The following CDK5RAP2 variants were observed in gnomAD, a reference collection of about 807,000 sequenced individuals.
CDK5RAP2 encodes the protein CDK5 regulatory subunit associated protein 2, also known as CDK5 regulatory subunit-associated protein 2.
In CDK5RAP2, 147 loss-of-function variants were observed where a neutral mutation model predicts 232.9. The observed-to-expected ratio is 0.63, with a 90% CI of 0.55 to 0.72. The LOEUF (loss-of-function observed/expected upper bound fraction) is 0.72. Ranked by LOEUF, CDK5RAP2 falls within the 30% of genes least tolerant of loss-of-function variation. The pLI is 0.00. For missense variants in CDK5RAP2, 2,195 were observed against 2,231.5 expected (o/e 0.98, Z 0.33); for synonymous variants, 833 against 833.7 (o/e 1.00, Z 0.01).
intron 1 of CDK5RAP2, among the ~76,000 whole-genome samples, chr9:120,578,288 T>C (rs1050209023): frequency 2.6e-5 from 4 of 152,046 alleles, no homozygotes; most frequent in African/African-American, 9.7e-5. Context: ...AAATAAAAAA[T>C]AGTTTTCAAA....
Position 120,453,749 on chromosome 9 carries a change from C to G in CDK5RAP2, c.2500G>C (p.Val834Leu), listed in dbSNP as rs757073311. 6.2e-7 allele frequency: 1 copy of G among 1,614,222 alleles called. No homozygotes were observed. The highest frequency in any genetic ancestry group is 1.1e-5 in the South Asian group (1 of 91,086). The stretch of plus-strand genomic sequence containing the variant: ...AATGAGTTGGTTTGGACAAAATGTA[C>G]AAGTTCACCTTTTTGCTTAGGTGTC... The part of the protein sequence containing the change: ...EKTPKQKGEL[V>L]HFVQTNSFSK... The change falls in exon 21 of 38, where the codon GTA (valine) becomes CTA (leucine). Residue 834 changes from valine (V) to leucine (L), a missense_variant. Transcript: ENST00000349780.
intron 5 of CDK5RAP2, among the ~76,000 whole-genome samples, chr9:120,542,824 A>T (rs2041692737): frequency 1.3e-5 from 2 of 152,212 alleles, no homozygotes; most frequent in South Asian, 2.1e-4. Flanking sequence ...AAAAGTGTTA[A>T]ACATAGAGTA....
intron 5 of CDK5RAP2, among the ~76,000 whole-genome samples, chr9:120,542,432 GT>G (rs1296621311): frequency 1.3e-5 from 2 of 150,888 alleles, no homozygotes; most frequent in African/African-American, 2.4e-5. Context: ...TTGAACCCGG[GT>G]TGTACTGAGC....
At chr9:120,434,032 T>C (rs973679093) in intron 25 of CDK5RAP2, among the ~76,000 whole-genome samples, 1 of 152,182 alleles carries the variant, frequency 6.6e-6, no homozygotes, top group African/African-American at 2.4e-5. Flanking sequence ...ATAAAAAACA[T>C]ATAACATGCA....
rs528513812 is a variant in CDK5RAP2, at chr9:120,561,323, G to T, written c.195+6998C>A. ...TAACAGAATTTTTTTTTTAAACAGG[G>T]TCTCTCTCTGTCGCTCAGGCTAGAG... On this transcript the variant is annotated intron_variant, in intron 3 of 37. Coordinates refer to ENST00000349780, the MANE Select transcript of CDK5RAP2 (RefSeq NM_018249.6). Among the ~76,000 whole-genome samples, 15 of 152,080 alleles carry T rather than the reference G, an allele frequency of 9.9e-5. 1 individual carries two copies. The South Asian group carries it at 3.1e-3, about 32-fold the overall frequency.
intron 34 of CDK5RAP2, among the ~76,000 whole-genome samples, chr9:120,401,527 G>A (rs77329173): frequency 6.9e-6 from 1 of 145,098 alleles, no homozygotes; most frequent in Non-Finnish European, 1.5e-5. Flanking sequence ...TGGGAGGATT[G>A]CTTAAGTCCA....
intron 12 of CDK5RAP2, among the ~76,000 whole-genome samples, chr9:120,500,120 G>A (rs562226627): frequency 1.3e-5 from 2 of 152,148 alleles, no homozygotes; most frequent in Admixed American, 6.5e-5. Context: ...AAGGAAAGGC[G>A]GGACAGGTGG....
At chr9:120,431,483 A>G (rs2035284750) in intron 25 of CDK5RAP2, among the ~76,000 whole-genome samples, 1 of 152,198 alleles carries the variant, frequency 6.6e-6, no homozygotes, top group Non-Finnish European at 1.5e-5. Flanking sequence ...TCTTAGGCTG[A>G]GAACAATGCC....
intron 5 of CDK5RAP2, among the ~76,000 whole-genome samples, chr9:120,543,723 C>CGGCA (rs1002657453): frequency 1.2e-4 from 18 of 152,150 alleles, no homozygotes; most frequent in Non-Finnish European, 2.1e-4. Flanking sequence ...CTGAGCATGG[C>CGGCA]GGCACATGCC....
At chr9:120,521,670 C>CGG (rs1208386369) in intron 11 of CDK5RAP2, among the ~76,000 whole-genome samples, 10 of 126,676 alleles carry the variant, frequency 7.9e-5, no homozygotes, top group Non-Finnish European at 1.4e-4. Context: ...TTTTTTGAGA[C>CGG]AGTCTCGCTC....
At chr9:120,575,071 T>C (rs908545760) in intron 1 of CDK5RAP2, among the ~76,000 whole-genome samples, 13 of 151,986 alleles carry the variant, frequency 8.6e-5, no homozygotes, top group Non-Finnish European at 1.8e-4. Flanking sequence ...TTTTGGTTTT[T>C]TGGAGACTCT....
At chr9:120,536,333 T>A (rs1203121131) in intron 7 of CDK5RAP2, 39 bp downstream of exon 7, 2 of 1,608,362 alleles carry the variant, frequency 1.2e-6, no homozygotes, top group African/African-American at 2.7e-5. Context: ...CGCTGCCAGA[T>A]AATGTGATGT....
chr9:120,473,770 G>T (rs2037852224), intron 15 of CDK5RAP2, among the ~76,000 whole-genome samples: 1 of 152,090 alleles, frequency 6.6e-6, no homozygotes, highest in Non-Finnish European at 1.5e-5. Flanking sequence ...TAACCAGGGA[G>T]AAAAAAAGAG....
At chr9:120,567,606 T>C (rs1172911756) in intron 3 of CDK5RAP2, among the ~76,000 whole-genome samples, 1 of 152,186 alleles carries the variant, frequency 6.6e-6, no homozygotes, top group Admixed American at 6.5e-5. Flanking sequence ...AAACCCCCTC[T>C]GCTAATAAAT....
At chr9:120,463,857 T>C (rs1369490817) in intron 18 of CDK5RAP2, among the ~76,000 whole-genome samples, 5 of 152,220 alleles carry the variant, frequency 3.3e-5, no homozygotes, top group Admixed American at 6.5e-5. Flanking sequence ...AGAAACATAC[T>C]TCATGCTGCA....
intron 3 of CDK5RAP2, among the ~76,000 whole-genome samples, chr9:120,555,771 T>C (rs186821995): frequency 1.5e-3 from 223 of 152,338 alleles, no homozygotes; most frequent in Non-Finnish European, 8.8e-4. Context: ...TTACTGCAGC[T>C]TTATTAATAA....
intron 4 of CDK5RAP2, among the ~76,000 whole-genome samples, chr9:120,547,777 T>C (rs1049034326): frequency 6.6e-6 from 1 of 152,182 alleles, no homozygotes; most frequent in African/African-American, 2.4e-5. Flanking sequence ...CTCTACTCCC[T>C]ACCAGGAGGA....
chr9:120,396,460 A>G (rs187710319), intron 35 of CDK5RAP2, among the ~76,000 whole-genome samples: 23 of 152,364 alleles, frequency 1.5e-4, no homozygotes, highest in Admixed American at 1.4e-3. Flanking sequence ...ATCATTTCCA[A>G]CTTGGCCTGG....
chr9:120,573,155 T>C (rs2042913698), intron 1 of CDK5RAP2, among the ~76,000 whole-genome samples: 1 of 152,226 alleles, frequency 6.6e-6, no homozygotes, highest in Admixed American at 6.5e-5. Context: ...TAATTTTGCC[T>C]GACCACCAAA....
Sources: gnomAD v4.1 joint callset for allele counts (sites outside exome capture counted in the v4.1 genomes callset) on GRCh38, gnomAD v4.1.1 for gene constraint, MANE v1.5 for transcripts, NCBI Gene and HGNC (gene_info 2026-07-23, HGNC 2026-07-21) for gene names.